The following PTPRD variants were observed in gnomAD, a reference collection of about 807,000 sequenced individuals.
PTPRD encodes protein tyrosine phosphatase receptor type D, also known as receptor-type tyrosine-protein phosphatase delta.
In PTPRD, 34 loss-of-function variants were observed where a neutral mutation model predicts 214.5. The observed-to-expected ratio is 0.16, with a 90% CI of 0.12 to 0.21. PTPRD has a LOEUF of 0.21. Among genes scored for constraint, PTPRD ranks in the 10% least tolerant of loss-of-function variants. The pLI is 1.00. For missense variants in PTPRD, 2,545 were observed against 2,398.7 expected, an observed-to-expected ratio of 1.06 and a Z score of -1.27; for synonymous variants, 1,128 against 845.7, an observed-to-expected ratio of 1.33 and a Z score of -5.79.
intron 44 of PTPRD, among the ~76,000 whole-genome samples, chr9:8,329,935 C>CGTATCTTG (rs1838149413): frequency 1.8e-5 from 1 of 55,562 alleles, no homozygotes; most frequent in Non-Finnish European, 2.7e-5. Context: ...GCCAGTGGAT[C>CGTATCTTG]GTATCTTGCT....
intron 11 of PTPRD, among the ~76,000 whole-genome samples, chr9:8,854,104 G>C (rs1458640918): frequency 6.6e-6 from 1 of 151,776 alleles, no homozygotes; most frequent in Non-Finnish European, 1.5e-5. Context: ...CCACTAAGTT[G>C]AGTACACTAC....
chr9:8,390,969 G>A (rs769675382), intron 36 of PTPRD, among the ~76,000 whole-genome samples: 14 of 152,090 alleles, frequency 9.2e-5, no homozygotes, highest in Admixed American at 9.2e-4. Context: ...TTTTCAAATG[G>A]TCAGAATCAA....
At chr9:9,395,557 G>C (rs1050156536) in intron 9 of PTPRD, among the ~76,000 whole-genome samples, 2 of 152,042 alleles carry the variant, frequency 1.3e-5, no homozygotes, top group African/African-American at 4.8e-5. Context: ...GCACCTACAA[G>C]ACTCTGGGTT....
Position 9,377,972 on chromosome 9 carries a change from A to T in PTPRD, c.-203+19477T>A, listed in dbSNP as rs116262487. ...CAGCAACATTGAGAGGAAAGTACAG[A>T]GATTTCACATATACTCCCTCTCCCA... On this transcript the variant is annotated intron_variant, in intron 9 of 45. Coordinates refer to ENST00000381196, the MANE Select transcript of PTPRD (RefSeq NM_002839.4). 6.0e-3 allele frequency among the ~76,000 whole-genome samples: 911 copies of T among 152,184 alleles called. 7 individuals carry two copies. Among genetic ancestry groups the T allele is most frequent in the African/African-American group, 0.021 (852 of 41,516 alleles).
chr9:10,240,712 T>C (rs2099644558), intron 3 of PTPRD, among the ~76,000 whole-genome samples: 1 of 151,876 alleles, frequency 6.6e-6, no homozygotes. Context: ...ATATAATAGG[T>C]CAATAACCCC....
chr9:9,768,970 T>C (rs2098729011), intron 5 of PTPRD, among the ~76,000 whole-genome samples: 1 of 152,198 alleles, frequency 6.6e-6, no homozygotes, highest in Admixed American at 6.5e-5. Flanking sequence ...GTTCTGATTT[T>C]TCTGATAGGC....
chr9:8,391,659 G>C (rs1480062046), intron 36 of PTPRD, among the ~76,000 whole-genome samples: 2 of 152,098 alleles, frequency 1.3e-5, no homozygotes, highest in African/African-American at 2.4e-5. Flanking sequence ...AAGGATTCTG[G>C]CTAAGGGCCT....
At chr9:9,395,130 T>C (rs2067293155) in intron 9 of PTPRD, among the ~76,000 whole-genome samples, 1 of 149,662 alleles carries the variant, frequency 6.7e-6, no homozygotes, top group African/African-American at 2.5e-5. Flanking sequence ...CCTCCCCTCA[T>C]CCATAGAGAG....
chr9:10,334,357 T>C (rs1423073491), intron 3 of PTPRD, among the ~76,000 whole-genome samples: 1 of 151,732 alleles, frequency 6.6e-6, no homozygotes, highest in African/African-American at 2.4e-5. Context: ...CTTCCACTCA[T>C]GATAAAATCT....
intron 8 of PTPRD, among the ~76,000 whole-genome samples, chr9:9,414,077 TTTGA>T (rs1226463438): frequency 6.6e-6 from 1 of 152,208 alleles, no homozygotes; most frequent in Non-Finnish European, 1.5e-5. Context: ...TAAAACAACG[TTTGA>T]TTGGGTTCAA....
intron 10 of PTPRD, among the ~76,000 whole-genome samples, chr9:9,166,378 G>A (rs1424330584): frequency 6.6e-6 from 1 of 152,058 alleles, no homozygotes; most frequent in East Asian, 1.9e-4. Context: ...TCCATCCACA[G>A]AGAGCTCTCT....
intron 5 of PTPRD, among the ~76,000 whole-genome samples, chr9:9,791,641 G>A (rs1269271437): frequency 6.6e-6 from 1 of 152,192 alleles, no homozygotes; most frequent in South Asian, 2.1e-4. Context: ...ATTATTTGCA[G>A]GGAGGAAGAA....
rs1344178643 is a variant in PTPRD at position 8,649,498 on chromosome 9, T to C, written c.65-12654A>G. 2.0e-5 allele frequency among the ~76,000 whole-genome samples: 3 copies of C among 152,344 alleles called. No individual in the cohort carries two copies. The East Asian group carries it at 5.8e-4, about 29-fold the overall frequency. ...AGCTACTATATCCCCAAAGTAGCTA[T>C]AACACAGAAGGGAGACGTGTGTGTA... On this transcript the variant is annotated intron_variant, in intron 12 of 45. Transcript: ENST00000381196.
intron 5 of PTPRD, among the ~76,000 whole-genome samples, chr9:9,821,262 T>A (rs1732347267): frequency 6.6e-6 from 1 of 152,174 alleles, no homozygotes; most frequent in South Asian, 2.1e-4. Flanking sequence ...TAACATTGAT[T>A]TTGTACCCTG....
chr9:9,667,818 G>A (rs981840036), intron 7 of PTPRD, among the ~76,000 whole-genome samples: 1 of 152,182 alleles, frequency 6.6e-6, no homozygotes, highest in African/African-American at 2.4e-5. Context: ...GGGTAGGACA[G>A]GGAAGCAGTA....
intron 11 of PTPRD, among the ~76,000 whole-genome samples, chr9:8,943,032 C>A (rs182993502): frequency 1.2e-4 from 18 of 151,956 alleles, no homozygotes; most frequent in African/African-American, 3.9e-4. Context: ...AGAAAGTAAC[C>A]TTATTTACAA....
At chr9:9,138,685 G>T (rs10759045) in intron 10 of PTPRD, among the ~76,000 whole-genome samples, 1 of 151,960 alleles carries the variant, frequency 6.6e-6, no homozygotes, top group Non-Finnish European at 1.5e-5. Context: ...CAAATTGAAC[G>T]TTATGAGCAG....
intron 2 of PTPRD, among the ~76,000 whole-genome samples, chr9:10,401,081 G>T (rs559308207): frequency 3.4e-4 from 52 of 151,420 alleles, no homozygotes; most frequent in African/African-American, 1.2e-3. Flanking sequence ...AAAATGCTTT[G>T]CTTGGCATTT....
intron 2 of PTPRD, among the ~76,000 whole-genome samples, chr9:10,503,948 C>G: frequency 6.6e-6 from 1 of 151,102 alleles, no homozygotes; most frequent in Non-Finnish European, 1.5e-5. Context: ...AACCCCATCT[C>G]TACTAAAAAT....
Sources: allele counts gnomAD v4.1 joint callset (sites outside exome capture counted in the v4.1 genomes callset), GRCh38; gene constraint gnomAD v4.1.1; transcripts MANE v1.5; gene names NCBI Gene and HGNC (gene_info 2026-07-23, HGNC 2026-07-21).